Variants in DEPDC1B observed in about 807,000 individuals in gnomAD.
DEPDC1B encodes the protein DEP domain containing 1B, also known as DEP domain-containing protein 1B.
DEPDC1B carries 51 observed loss-of-function variants against 66.5 expected under a neutral mutation model. That is an observed-to-expected ratio of 0.77 (90% CI 0.61 to 0.97). The LOEUF (loss-of-function observed/expected upper bound fraction) is 0.97. Among genes scored for constraint, DEPDC1B ranks in the 50% least tolerant of loss-of-function variants. The probability of loss-of-function intolerance (pLI) is 0.00; values close to 1 mark genes in which losing one functional copy is unlikely to be tolerated. For missense variants in DEPDC1B, 552 were observed against 637.1 expected (o/e 0.87, Z 1.44); for synonymous variants, 226 against 223.6 (o/e 1.01, Z -0.10).
chr5:60,660,234 CAGACAGAGAGGAG>C lies in DEPDC1B; in HGVS notation c.315-12714_315-12702del, dbSNP rs1391373691. On this transcript the variant is annotated intron_variant, in intron 2 of 10. Transcript: ENST00000265036. Reference sequence around the variant, plus strand: ...GACAGAAAGCGAGGAGAGAGAGAGACAGACAGAGAGGAGAGACAGAGAGGAGAGAGACAGAGAG... The same window carrying C: ...GACAGAAAGCGAGGAGAGAGAGAGACAGACAGAGAGGAGAGAGACAGAGAG... 3.0e-5 allele frequency among the ~76,000 whole-genome samples: 4 copies of C among 134,338 alleles called. No individual in the cohort carries two copies. In the East Asian group the frequency reaches 8.6e-4, roughly 29 times the overall value. 88.1% of individuals were successfully genotyped at this position (134,338 alleles called of 152,430 possible).
intron 1 of DEPDC1B, among the ~76,000 whole-genome samples, chr5:60,697,597 A>C (rs890721794): frequency 5.9e-5 from 9 of 152,216 alleles, no homozygotes; most frequent in African/African-American, 2.2e-4. Context: ...CAATGGAAAG[A>C]AGCATCTTCA....
chr5:60,677,326 A>ACACACTCTCTCTCTCTCT (rs770640655), intron 2 of DEPDC1B, among the ~76,000 whole-genome samples: 73 of 108,556 alleles, frequency 6.7e-4, no homozygotes, highest in African/African-American at 2.6e-3. Flanking sequence ...ACACACACAC[A>ACACACTCTCTCTCTCTCT]CTCTCTCTCT....
At chr5:60,617,680 A>G (rs1475462123) in intron 7 of DEPDC1B, among the ~76,000 whole-genome samples, 8 of 152,182 alleles carry the variant, frequency 5.3e-5, no homozygotes, top group Non-Finnish European at 7.3e-5. Flanking sequence ...CTCCCACACA[A>G]TAATAATGGG....
chr5:60,629,862 C>T (rs546257182), intron 7 of DEPDC1B, among the ~76,000 whole-genome samples: 1 of 152,296 alleles, frequency 6.6e-6, no homozygotes, highest in African/African-American at 2.4e-5. Context: ...TATGCAGAAG[C>T]TCATCAGTTT....
At chr5:60,685,146 A>G (rs753059879) in intron 2 of DEPDC1B, among the ~76,000 whole-genome samples, 39 of 152,348 alleles carry the variant, frequency 2.6e-4, no homozygotes, top group Non-Finnish European at 4.1e-4. Context: ...CAGTTAAGAC[A>G]CAGCAGGTAG....
intron 2 of DEPDC1B, among the ~76,000 whole-genome samples, chr5:60,667,455 A>T (rs1358517857): frequency 6.8e-6 from 1 of 146,322 alleles, no homozygotes; most frequent in Non-Finnish European, 1.5e-5. Context: ...GATATTTTAC[A>T]TATATACAAA....
At chr5:60,686,864 A>G in intron 2 of DEPDC1B, 98 bp downstream of exon 2, 1 of 1,440,036 alleles carries the variant, frequency 6.9e-7, no homozygotes, top group Non-Finnish European at 9.6e-7. Context: ...TTCAGTGAAC[A>G]AGGTAAATTC....
At chr5:60,597,967 A>G in intron 10 of DEPDC1B, 53 bp from the exon 11 acceptor site, 1 of 1,471,002 alleles carries the variant, frequency 6.8e-7, no homozygotes, top group Non-Finnish European at 9.0e-7. Flanking sequence ...AAAAGCCAAT[A>G]AAATTTGGCA....
chr5:60,676,785 G>T (rs1340945576), intron 2 of DEPDC1B, among the ~76,000 whole-genome samples: 1 of 151,780 alleles, frequency 6.6e-6, no homozygotes, highest in Non-Finnish European at 1.5e-5. Flanking sequence ...GTTCCATAAG[G>T]TTCCAAACAC....
chr5:60,680,836 T>C (rs1000455358), intron 2 of DEPDC1B, among the ~76,000 whole-genome samples: 6 of 152,312 alleles, frequency 3.9e-5, no homozygotes, highest in Non-Finnish European at 8.8e-5. Context: ...TACTCTTTCA[T>C]TCACTAATAT....
chr5:60,670,327 T>A (rs767358294), intron 2 of DEPDC1B, among the ~76,000 whole-genome samples: 12 of 152,092 alleles, frequency 7.9e-5, no homozygotes, highest in Non-Finnish European at 1.3e-4. Context: ...TGAGCTGAGA[T>A]CGCGCCACTG....
At chr5:60,699,863 G>A (rs1584114118) in intron 1 of DEPDC1B, among the ~76,000 whole-genome samples, 183 bp downstream of exon 1, 1 of 152,224 alleles carries the variant, frequency 6.6e-6, no homozygotes, top group Non-Finnish European at 1.5e-5. Flanking sequence ...TGAGCTCTGG[G>A]CCCCGTTAGC....
At chr5:60,641,652 C>G (rs1005285483) in intron 6 of DEPDC1B, among the ~76,000 whole-genome samples, 2 of 152,042 alleles carry the variant, frequency 1.3e-5, no homozygotes, top group East Asian at 3.9e-4. Flanking sequence ...CCTTGATTTG[C>G]CAGTTCAGAA....
intron 9 of DEPDC1B, among the ~76,000 whole-genome samples, chr5:60,601,617 T>C (rs1271378731): frequency 6.6e-6 from 1 of 152,100 alleles, no homozygotes; most frequent in Non-Finnish European, 1.5e-5. Flanking sequence ...GCTTCCAAAA[T>C]GGGGGAAAGC....
At chr5:60,642,883 C>T in intron 5 of DEPDC1B, 24 bp from the exon 6 acceptor site, 2 of 1,595,388 alleles carry the variant, frequency 1.3e-6, no homozygotes, top group Non-Finnish European at 1.7e-6. Context: ...AAAATTTGTA[C>T]TCAATTCCAT....
At chr5:60,621,268 C>G (rs1363595834) in intron 7 of DEPDC1B, among the ~76,000 whole-genome samples, 1 of 150,760 alleles carries the variant, frequency 6.6e-6, no homozygotes, top group Non-Finnish European at 1.5e-5. Context: ...TGCACATGTA[C>G]ACTAACTTAA....
intron 7 of DEPDC1B, among the ~76,000 whole-genome samples, chr5:60,618,568 C>T (rs920886351): frequency 6.6e-6 from 1 of 152,226 alleles, no homozygotes; most frequent in East Asian, 1.9e-4. Flanking sequence ...GATACATACA[C>T]TCTCCCAAAA....
chr5:60,658,588 G>A (rs561037872), intron 2 of DEPDC1B, among the ~76,000 whole-genome samples: 112 of 152,110 alleles, frequency 7.4e-4, no homozygotes, highest in African/African-American at 2.5e-3. Flanking sequence ...ACATGGGCTT[G>A]TAACTCAGCT....
At chr5:60,683,509 C>T (rs1754344651) in intron 2 of DEPDC1B, among the ~76,000 whole-genome samples, 1 of 151,852 alleles carries the variant, frequency 6.6e-6, no homozygotes, top group South Asian at 2.1e-4. Context: ...GAATGAAGGA[C>T]AAAAACCATA....
Sources: allele counts gnomAD v4.1 joint callset (sites outside exome capture counted in the v4.1 genomes callset), GRCh38; gene constraint gnomAD v4.1.1; transcripts MANE v1.5; gene names NCBI Gene and HGNC (gene_info 2026-07-23, HGNC 2026-07-21).